Variants in DGKD observed in about 807,000 individuals in gnomAD.
DGKD encodes the protein DAG kinase delta.
A neutral mutation model predicts 154.4 loss-of-function variants in DGKD; 68 were observed. That is an observed-to-expected ratio of 0.44 (90% CI 0.36 to 0.54). The LOEUF is 0.54. Among genes scored for constraint, DGKD ranks in the 20% least tolerant of loss-of-function variants. DGKD has a pLI of 0.00. For synonymous variants in DGKD, 693 were observed against 638.0 expected, an observed-to-expected ratio of 1.09 and a Z score of -1.30; for missense variants, 1,343 against 1,593.6, an observed-to-expected ratio of 0.84 and a Z score of 2.68.
intron 3 of DGKD, among the ~76,000 whole-genome samples, chr2:233,423,279 G>GT (rs2062180020): frequency 6.6e-6 from 1 of 152,174 alleles, no homozygotes; most frequent in African/African-American, 2.4e-5. Context: ...GCTGAAGAGT[G>GT]TAATTGCTGG....
chr2:233,463,494 G>A (rs532142116), intron 26 of DGKD, among the ~76,000 whole-genome samples: 5 of 99,870 alleles, frequency 5.0e-5, no homozygotes, highest in South Asian at 3.0e-4. Context: ...CTCACTGCAC[G>A]CATGTCCTCA....
At chr2:233,426,276 C>T (rs2062295100) in intron 3 of DGKD, among the ~76,000 whole-genome samples, 1 of 152,154 alleles carries the variant, frequency 6.6e-6, no homozygotes, top group South Asian at 2.1e-4. Flanking sequence ...ATGCAGGAGT[C>T]TGGGCAGCTC....
intron 3 of DGKD, among the ~76,000 whole-genome samples, chr2:233,397,874 G>C (rs1007476466): frequency 6.6e-6 from 1 of 151,958 alleles, no homozygotes; most frequent in African/African-American, 2.4e-5. Context: ...CAGGGCTTCT[G>C]CTGAGTACAG....
intron 1 of DGKD, among the ~76,000 whole-genome samples, chr2:233,356,078 G>A (rs576343024): frequency 1.3e-5 from 2 of 152,296 alleles, no homozygotes; most frequent in South Asian, 2.1e-4. Context: ...TGTAAGTGCC[G>A]CGGAAACTCG....
At chr2:233,454,654 G>C (rs2063398254) in intron 18 of DGKD, 109 bp from the exon 19 acceptor site, 2 of 656,402 alleles carry the variant, frequency 3.0e-6, no homozygotes. Flanking sequence ...AGACAAAAAA[G>C]AAAAAGTTAC....
At chr2:233,389,803 C>T (rs891509409) in intron 2 of DGKD, among the ~76,000 whole-genome samples, 1 of 152,114 alleles carries the variant, frequency 6.6e-6, no homozygotes, top group Non-Finnish European at 1.5e-5. Context: ...GGGGGAGGTC[C>T]CCAGGCCTGA....
intron 1 of DGKD, 68 bp from the exon 2 acceptor site, chr2:233,388,189 G>T: frequency 6.3e-7 from 1 of 1,578,904 alleles, no homozygotes; most frequent in South Asian, 1.2e-5. Flanking sequence ...AACAGGCTGC[G>T]TTTCAGCCGG....
At chr2:233,469,232 T>C in intron 29 of DGKD, 139 bp from the exon 30 acceptor site, 1 of 696,286 alleles carries the variant, frequency 1.4e-6, no homozygotes, top group Non-Finnish European at 2.5e-6. Context: ...GTTTCCATCT[T>C]GTTTTACCGT....
chr2:233,432,110 T>C (rs1243913890), intron 3 of DGKD, among the ~76,000 whole-genome samples: 1 of 152,052 alleles, frequency 6.6e-6, no homozygotes, highest in Non-Finnish European at 1.5e-5. Flanking sequence ...ATTTGCAAAC[T>C]GCCAGGCGTG....
intron 1 of DGKD, among the ~76,000 whole-genome samples, chr2:233,373,783 T>C (rs1702436881): frequency 6.6e-6 from 1 of 152,192 alleles, no homozygotes. Context: ...ATGAATAGGA[T>C]GTATTTTAGC....
chr2:233,395,051 G>C (rs1703917808), intron 3 of DGKD, among the ~76,000 whole-genome samples: 1 of 152,048 alleles, frequency 6.6e-6, no homozygotes, highest in South Asian at 2.1e-4. Flanking sequence ...TCTTATTTTA[G>C]TCAGAAACCC....
chr2:233,361,970 G>C (rs1050345837), intron 1 of DGKD, among the ~76,000 whole-genome samples: 47 of 152,124 alleles, frequency 3.1e-4, no homozygotes, highest in African/African-American at 1.1e-3. Flanking sequence ...TAATTTTTTG[G>C]TATTTTTAAT....
At chr2:233,360,223 A>T (rs1701715784) in intron 1 of DGKD, among the ~76,000 whole-genome samples, 1 of 152,122 alleles carries the variant, frequency 6.6e-6, no homozygotes, top group South Asian at 2.1e-4. Flanking sequence ...GAACTTCAGG[A>T]TGCCCACATA....
At position 233,445,494 on chromosome 2, in the gene DGKD, C is replaced by T. The variant is rs1216336260; in HGVS notation, c.1195-129C>T. On this transcript the variant is annotated intron_variant, in intron 10 of 29. Transcript: ENST00000264057. This position sits in a 1 kb window ranked among gnomAD's most constrained non-coding sequence, Gnocchi z 5.5. ...GGCTCTGCCTGTAATGTGTAAGCTG[C>T]GTGGTTTTAGGTCACGTCCCCACAT... 7.7e-6 allele frequency: 10 copies of T among 1,299,902 alleles called. No individual in the cohort carries two copies. The highest frequency in any genetic ancestry group is 4.6e-5 in the African/African-American group (3 of 65,416). 80.5% of individuals were successfully genotyped at this position (1,299,902 alleles called of 1,614,324 possible). A position where few individuals can be genotyped will look rare whatever the true frequency, so the allele number is the denominator to read the frequency against.
In DGKD at chr2:233,459,213, G is replaced by A. The variant is rs560161013; in HGVS notation, c.2695-544G>A. On this transcript the variant is annotated intron_variant, in intron 22 of 29. Transcript: ENST00000264057. The surrounding 1 kb of genome is among the most constrained non-coding windows in gnomAD (Gnocchi z 5.7). ...TGTACCCAGGCACAGGCACTGGGGC[G>A]GGGGAGGGTGCTGATGACACCCACT... Among the ~76,000 whole-genome samples, 353 of 152,304 alleles carry A rather than the reference G, an allele frequency of 2.3e-3. No individual in the cohort carries two copies. The highest frequency in any genetic ancestry group is 7.4e-3 in the African/African-American group (309 of 41,572).
intron 3 of DGKD, among the ~76,000 whole-genome samples, chr2:233,417,819 G>A (rs1211937265): frequency 6.6e-6 from 1 of 152,158 alleles, no homozygotes; most frequent in Non-Finnish European, 1.5e-5. Flanking sequence ...ACTCCACACT[G>A]GTTTGTCACA....
In DGKD at chr2:233,467,342, C is replaced by T; in HGVS notation, c.3424+139C>T. 8 of 700,600 alleles carry T rather than the reference C, an allele frequency of 1.1e-5. No homozygotes were observed. In the South Asian group the frequency reaches 1.3e-4, roughly 12 times the overall value. 43.4% of individuals were successfully genotyped at this position (700,600 alleles called of 1,614,324 possible). On this transcript the variant is annotated intron_variant, in intron 28 of 29. Coordinates refer to ENST00000264057, the MANE Select transcript of DGKD (RefSeq NM_152879.3). ...GTGCTGTAACCCCCGGTCCTGCGAC[C>T]ACACTTGTCTGTTGGTAGCTGCAGC... is the stretch of plus-strand genomic sequence containing the variant.
At chr2:233,385,866 C>T in intron 1 of DGKD, 1 of 447,826 alleles carries the variant, frequency 2.2e-6, no homozygotes, top group South Asian at 1.6e-5. Context: ...TTTATCTTTT[C>T]CCCAGCCTTT....
intron 1 of DGKD, among the ~76,000 whole-genome samples, chr2:233,357,537 C>CT (rs374813757): frequency 0.016 from 2,030 of 129,176 alleles, 37 homozygotes; most frequent in East Asian, 0.053. Flanking sequence ...TTCTTTCTTT[C>CT]TTTTTTTTTT....
Sources: allele counts gnomAD v4.1 joint callset (sites outside exome capture counted in the v4.1 genomes callset), GRCh38; gene constraint gnomAD v4.1.1; non-coding constraint Gnocchi (gnomAD v3.1); transcripts MANE v1.5; gene names NCBI Gene and HGNC (gene_info 2026-07-23, HGNC 2026-07-21).